Variants in EML6 observed in about 807,000 individuals in gnomAD.
EML6 encodes the protein EMAP like 6, also known as echinoderm microtubule-associated protein-like 6.
A neutral mutation model predicts 240.1 loss-of-function variants in EML6; 154 were observed. The observed-to-expected ratio is 0.64, with a 90% confidence interval of 0.56 to 0.73. The LOEUF (loss-of-function observed/expected upper bound fraction) is 0.73. Ranked by LOEUF, EML6 falls within the 30% of genes least tolerant of loss-of-function variation. The probability of loss-of-function intolerance (pLI) is 0.00; values close to 1 mark genes in which losing one functional copy is unlikely to be tolerated. For synonymous variants in EML6, 1,148 were observed against 899.0 expected, an observed-to-expected ratio of 1.28 and a Z score of -4.95; for missense variants, 2,964 against 2,474.6, an observed-to-expected ratio of 1.20 and a Z score of -4.20.
chr2:54,857,946 G>C (rs1670475567), intron 11 of EML6, among the ~76,000 whole-genome samples: 1 of 152,194 alleles, frequency 6.6e-6, no homozygotes, highest in African/African-American at 2.4e-5. Context: ...GCTTACAAAG[G>C]CTATATTAAT....
intron 9 of EML6, among the ~76,000 whole-genome samples, chr2:54,848,446 C>T (rs1265197673): frequency 6.6e-6 from 1 of 151,446 alleles, no homozygotes; most frequent in African/African-American, 2.4e-5. Context: ...GCAACATTTT[C>T]TTTCTCTGCT....
At chr2:54,966,908 A>T in intron 38 of EML6, 92 bp from the exon 39 acceptor site, 1 of 776,172 alleles carries the variant, frequency 1.3e-6, no homozygotes, top group Non-Finnish European at 2.1e-6. Flanking sequence ...AGGGATGCAG[A>T]GGCTGGGCAG....
intron 2 of EML6, among the ~76,000 whole-genome samples, chr2:54,784,469 T>G (rs1477845065): frequency 6.6e-6 from 1 of 152,158 alleles, no homozygotes; most frequent in African/African-American, 2.4e-5. Context: ...AATAATGAAT[T>G]TGTATAGCCT....
intron 7 of EML6, among the ~76,000 whole-genome samples, chr2:54,838,530 G>C (rs1669272893): frequency 6.6e-6 from 1 of 152,210 alleles, no homozygotes; most frequent in African/African-American, 2.4e-5. Flanking sequence ...TAGAAAATAA[G>C]CAATGTCCCT....
intron 28 of EML6, among the ~76,000 whole-genome samples, chr2:54,935,106 T>C (rs1558702642): frequency 6.6e-6 from 1 of 152,240 alleles, no homozygotes; most frequent in Admixed American, 6.5e-5. Flanking sequence ...AATGGTTTGG[T>C]ATTGGCATTG....
chr2:54,808,759 C>A, intron 2 of EML6, among the ~76,000 whole-genome samples: 1 of 152,044 alleles, frequency 6.6e-6, no homozygotes. Context: ...CTTCCATGAC[C>A]CTTTTGATTC....
intron 26 of EML6, among the ~76,000 whole-genome samples, chr2:54,927,163 A>G (rs887874195): frequency 1.3e-5 from 2 of 152,284 alleles, no homozygotes; most frequent in Non-Finnish European, 2.9e-5. Flanking sequence ...TGGAAATCCT[A>G]CCTGCCTGTT....
intron 35 of EML6, among the ~76,000 whole-genome samples, chr2:54,960,973 C>A (rs1440402876): frequency 5.3e-5 from 8 of 152,024 alleles, no homozygotes; most frequent in East Asian, 1.9e-4. Context: ...CTCCAAACTT[C>A]TATTGAATAC....
chr2:54,916,970 G>T (rs1030043931), intron 26 of EML6, 35 bp downstream of exon 26: 24 of 1,461,830 alleles, frequency 1.6e-5, no homozygotes, highest in Non-Finnish European at 2.2e-5. Flanking sequence ...TACTTGCTCA[G>T]TCTCCTTAAT....
intron 2 of EML6, among the ~76,000 whole-genome samples, chr2:54,771,482 T>A (rs771116065): frequency 6.6e-6 from 1 of 152,268 alleles, no homozygotes; most frequent in Non-Finnish European, 1.5e-5. Flanking sequence ...ATCAGCTGTT[T>A]ATCACCATAT....
At chr2:54,837,838 T>C (rs1669235067) in intron 7 of EML6, among the ~76,000 whole-genome samples, 1 of 152,184 alleles carries the variant, frequency 6.6e-6, no homozygotes, top group South Asian at 2.1e-4. Context: ...CTGTGTCTTT[T>C]AAATGCTCTC....
chr2:54,783,087 G>A (rs536333190), intron 2 of EML6, among the ~76,000 whole-genome samples: 18 of 152,240 alleles, frequency 1.2e-4, no homozygotes, highest in Admixed American at 7.2e-4. Flanking sequence ...GTATGTATGC[G>A]TGCATATATT....
intron 2 of EML6, among the ~76,000 whole-genome samples, chr2:54,795,712 A>G (rs1012791968): frequency 6.6e-6 from 1 of 152,194 alleles, no homozygotes; most frequent in Non-Finnish European, 1.5e-5. Flanking sequence ...GGAACTGACT[A>G]TAAGCAAACT....
intron 17 of EML6, among the ~76,000 whole-genome samples, chr2:54,890,150 G>T (rs941681651): frequency 1.3e-5 from 2 of 152,056 alleles, no homozygotes; most frequent in African/African-American, 4.8e-5. Context: ...ATGATAATAT[G>T]ATTTTTCTCT....
intron 2 of EML6, among the ~76,000 whole-genome samples, chr2:54,751,715 C>T (rs1684172586): frequency 6.6e-6 from 1 of 152,124 alleles, no homozygotes; most frequent in Admixed American, 6.5e-5. Flanking sequence ...TCCATGTTGG[C>T]ACACAGTAGC....
intron 27 of EML6, 53 bp downstream of exon 27, chr2:54,928,567 C>T (rs2104389796): frequency 6.4e-7 from 1 of 1,551,318 alleles, no homozygotes; most frequent in Admixed American, 2.0e-5. Flanking sequence ...CTCCCAACAC[C>T]TCCCTTCCTG....
At chr2:54,808,259 C>A (rs901202827) in intron 2 of EML6, among the ~76,000 whole-genome samples, 2 of 152,206 alleles carry the variant, frequency 1.3e-5, no homozygotes, top group African/African-American at 4.8e-5. Context: ...ACACAGCCAT[C>A]CCCATCTGAG....
At chr2:54,939,763 T>C (rs1254689616) in intron 28 of EML6, among the ~76,000 whole-genome samples, 1 of 152,198 alleles carries the variant, frequency 6.6e-6, no homozygotes, top group African/African-American at 2.4e-5. Flanking sequence ...TTAATGAGAT[T>C]TGGGCATCCC....
In EML6 at chr2:54,724,932, C is replaced by T. The variant is rs2104353974; in HGVS notation, c.-130C>T. The T allele has an allele frequency of 3.0e-6, 2 of 672,558 alleles. No homozygotes were observed. Among genetic ancestry groups the T allele is most frequent in the East Asian group, 4.7e-5 (1 of 21,178 alleles). 41.7% of individuals were successfully genotyped at this position (672,558 alleles called of 1,614,324 possible). A position where few individuals can be genotyped will look rare whatever the true frequency, so the allele number is the denominator to read the frequency against. On this transcript the variant is annotated 5_prime_UTR_variant, in exon 2 of 42. Transcript: ENST00000356458. The surrounding 1 kb of genome is among the most constrained non-coding windows in gnomAD (Gnocchi z 5.2). ...GTGGCGGCCGGCCCGCTGGGCTGTGCCTGTGTGTCGCCGCGGAAATCAGCG... is the reference window on the plus strand; with the variant it reads ...GTGGCGGCCGGCCCGCTGGGCTGTGTCTGTGTGTCGCCGCGGAAATCAGCG...
Sources: allele counts gnomAD v4.1 joint callset (sites outside exome capture counted in the v4.1 genomes callset), GRCh38; gene constraint gnomAD v4.1.1; non-coding constraint Gnocchi (gnomAD v3.1); transcripts MANE v1.5; gene names NCBI Gene and HGNC (gene_info 2026-07-23, HGNC 2026-07-21).